The following ECE2 variants were observed in gnomAD, a reference collection of about 807,000 sequenced individuals.
ECE2 encodes endothelin-converting enzyme 2.
Under a neutral mutation model 100.6 loss-of-function variants are expected in ECE2, and 81 were observed. That is an observed-to-expected ratio of 0.81 (90% CI 0.67 to 0.97). The LOEUF is 0.97. Among genes scored for constraint, ECE2 ranks in the 50% least tolerant of loss-of-function variants. The probability of loss-of-function intolerance (pLI) is 0.00; values close to 1 mark genes in which losing one functional copy is unlikely to be tolerated. For synonymous variants in ECE2, 391 were observed against 391.5 expected, an observed-to-expected ratio of 1.00 and a Z score of 0.02; for missense variants, 911 against 988.1, an observed-to-expected ratio of 0.92 and a Z score of 1.05.
chr3:184,281,095 GGA>G (rs1353975915), intron 7 of ECE2, among the ~76,000 whole-genome samples: 1 of 152,186 alleles, frequency 6.6e-6, no homozygotes, highest in East Asian at 1.9e-4. Flanking sequence ...AAGGGCAGTG[GGA>G]GAGTCAGCAA....
rs372224412 is a variant in ECE2 at position 184,291,481 on chromosome 3, T to G, written c.2121+42T>G. On this transcript the variant is annotated intron_variant, in intron 18 of 18. Coordinates refer to ENST00000404464, the MANE Select transcript of ECE2 (RefSeq NM_001100121.2). The surrounding 1 kb of genome is among the most constrained non-coding windows in gnomAD (Gnocchi z 4.1). Reference sequence around the variant, plus strand: ...AGGCCTGGGGTCTGCCCCTTTGTCCTGCTCCCTCCTGAGTATGTCATTAGG... The same window carrying G: ...AGGCCTGGGGTCTGCCCCTTTGTCCGGCTCCCTCCTGAGTATGTCATTAGG... 6.6e-5 allele frequency: 99 copies of G among 1,504,556 alleles called. 1 individual carries two copies. In the South Asian group the frequency reaches 7.0e-4, roughly 11 times the overall value. The allele number at this position is 1,504,556 out of a possible 1,614,324, so 93.2% of individuals were successfully genotyped here. A position where few individuals can be genotyped will look rare whatever the true frequency, so the allele number is the denominator to read the frequency against.
In ECE2 at chr3:184,291,519, C is replaced by A; in HGVS notation, c.2121+80C>A. 2 of 1,325,288 alleles carry A rather than the reference C, an allele frequency of 1.5e-6. No homozygotes were observed. The highest frequency in any genetic ancestry group is 1.6e-5 in the South Asian group (1 of 62,392). The allele number at this position is 1,325,288 out of a possible 1,614,324, so 82.1% of individuals were successfully genotyped here. On this transcript the variant is annotated intron_variant, in intron 18 of 18. Coordinates refer to ENST00000404464, the MANE Select transcript of ECE2 (RefSeq NM_001100121.2). The surrounding 1 kb of genome is among the most constrained non-coding windows in gnomAD (Gnocchi z 4.1). The stretch of plus-strand genomic sequence containing the variant: ...GTATGTCATTAGGAGAACTCTGGGG[C>A]ACGTGTCAAACGGGCTGGTGAATGG...
At chr3:184,288,309 C>CAAAAAA (rs10608428) in intron 11 of ECE2, among the ~76,000 whole-genome samples, 37 of 91,454 alleles carry the variant, frequency 4.0e-4, no homozygotes, top group Non-Finnish European at 5.5e-4. Context: ...AACTCTGTCT[C>CAAAAAA]AAAAAAAAAA....
At position 184,289,627 on chromosome 3, in the gene ECE2, C is replaced by G. The variant is rs1365176668; in HGVS notation, c.1474-14C>G. On this transcript the variant is annotated splice_polypyrimidine_tract_variant and intron_variant, in intron 12 of 18. Coordinates refer to ENST00000404464, the MANE Select transcript of ECE2 (RefSeq NM_001100121.2). The surrounding 1 kb of genome is among the most constrained non-coding windows in gnomAD (Gnocchi z 4.1). ...CCTGGGGAAGGAAACAAACCCTTAA[C>G]CTGGTCTCTTCAGGCAGATGCCATC... 4 of 1,613,524 alleles carry G rather than the reference C, an allele frequency of 2.5e-6. No individual in the cohort carries two copies. The African/African-American group carries it at 4.0e-5, about 16-fold the overall frequency.
At chr3:184,277,655 T>A (rs1384315409) in intron 4 of ECE2, among the ~76,000 whole-genome samples, 189 bp downstream of exon 4, 1 of 152,172 alleles carries the variant, frequency 6.6e-6, no homozygotes, top group African/African-American at 2.4e-5. Flanking sequence ...GGGGCAGAAC[T>A]CTGGGTACAA....
At position 184,285,581 on chromosome 3, in the gene ECE2, G is replaced by A; in HGVS notation, c.1252G>A (p.Gly418Ser). ...AQEKLLETLYGTKKSCVPRWQ... is the reference protein window; with the variant it reads ...AQEKLLETLYSTKKSCVPRWQ... ...AGAGAAGCTGCTGGAGACCCTCTATGGCACTAAGAAGGTGGGCTTTCTGAT... is the reference window on the plus strand; with the variant it reads ...AGAGAAGCTGCTGGAGACCCTCTATAGCACTAAGAAGGTGGGCTTTCTGAT... The change falls in exon 10 of 19, where the codon GGC (glycine) becomes AGC (serine). Residue 418 changes from glycine (G) to serine (S), a missense_variant. Transcript: ENST00000404464. 6.2e-7 allele frequency: 1 copy of A among 1,613,606 alleles called. No homozygotes were observed. Among genetic ancestry groups the A allele is most frequent in the Non-Finnish European group, 8.5e-7 (1 of 1,179,548 alleles).
chr3:184,288,499 GTATTACCTGTAAGGATGTTTATGGTTTT>G (rs368744868), intron 11 of ECE2, among the ~76,000 whole-genome samples: 334 of 152,202 alleles, frequency 2.2e-3, no homozygotes, highest in Middle Eastern at 6.8e-3. Flanking sequence ...TGTGCTTAAA[GTATTACCTGTAAGGATGTTTATGGTTTT>G]TATGGCAATG....
Position 184,283,942 on chromosome 3 carries a change from T to C in ECE2, c.974T>C (p.Ile325Thr), listed in dbSNP as rs1195325114. ...PQDQRRDEEK[I>T]YHKMSISELQ... ...GACCAGCGGCGCGACGAGGAGAAGA[T>C]CTACCACAAGATGAGCATTTCGGAG... The change falls in exon 8 of 19, where the codon ATC becomes ACC. Residue 325 changes from isoleucine to threonine, a missense_variant. Transcript: ENST00000404464. The C allele has an allele frequency of 6.2e-7, 1 of 1,613,788 alleles. No individual in the cohort carries two copies.
At position 184,287,975 on chromosome 3, in the gene ECE2, A is replaced by G. The variant is rs567479752; in HGVS notation, c.1374+28A>G. The G allele has an allele frequency of 2.6e-5, 41 of 1,598,332 alleles. No individual in the cohort carries two copies. In the East Asian group the frequency reaches 4.5e-4, roughly 17 times the overall value. ...GAGTCTACAAGATTCTTTCAACACT[A>G]TGCCCTCAAAATTGACTGTTCATGT... On this transcript the variant is annotated intron_variant, in intron 11 of 18. Transcript: ENST00000404464.
chr3:184,282,291 G>T (rs1340614299), intron 7 of ECE2, among the ~76,000 whole-genome samples: 1 of 152,208 alleles, frequency 6.6e-6, no homozygotes, highest in South Asian at 2.1e-4. Flanking sequence ...CCAGCAGCAA[G>T]TAAGAGGAGA....
chr3:184,278,448 G>A, intron 6 of ECE2, 44 bp from the exon 7 acceptor site: 1 of 1,606,338 alleles, frequency 6.2e-7, no homozygotes, highest in Non-Finnish European at 8.5e-7. Flanking sequence ...AGGTTCCCAT[G>A]GTGGGGAAAG....
chr3:184,287,631 G>A (rs555575416), intron 10 of ECE2, among the ~76,000 whole-genome samples: 1 of 152,186 alleles, frequency 6.6e-6, no homozygotes, highest in East Asian at 1.9e-4. Flanking sequence ...GGGGACAGAG[G>A]TTGCAGTGAG....
At chr3:184,279,107 C>A (rs1294210629) in intron 7 of ECE2, among the ~76,000 whole-genome samples, 1 of 151,792 alleles carries the variant, frequency 6.6e-6, no homozygotes, top group Non-Finnish European at 1.5e-5. Flanking sequence ...GTCAGGAGTT[C>A]GAGACCAGGC....
At chr3:184,284,067 G>GTCCTT in intron 8 of ECE2, 94 bp downstream of exon 8, 1 of 1,448,242 alleles carries the variant, frequency 6.9e-7, no homozygotes, top group Non-Finnish European at 9.4e-7. Flanking sequence ...AAGGCAGCCA[G>GTCCTT]TCCTTTCCTC....
intron 9 of ECE2, 55 bp from the exon 10 acceptor site, chr3:184,285,422 AG>A: frequency 3.0e-6 from 4 of 1,320,196 alleles, no homozygotes; most frequent in Non-Finnish European, 4.4e-6. Flanking sequence ...GGCTGGTTTG[AG>A]GGGTGTGAAG....
At position 184,291,906 on chromosome 3, in the gene ECE2, T is replaced by G; in HGVS notation, c.2122-156T>G. On this transcript the variant is annotated intron_variant, in intron 18 of 18. Transcript: ENST00000404464. This position sits in a 1 kb window ranked among gnomAD's most constrained non-coding sequence, Gnocchi z 4.1. ...GGCTCCGCTTTTTCCCCTCGTCATG[T>G]CCATGCTGGGCAACCCGATGTCCAG... 1 of 792,720 alleles carries G rather than the reference T, an allele frequency of 1.3e-6. No homozygotes were observed. Among genetic ancestry groups the G allele is most frequent in the East Asian group, 2.7e-5 (1 of 37,150 alleles). 49.1% of individuals were successfully genotyped at this position (792,720 alleles called of 1,614,324 possible).
Position 184,276,074 on chromosome 3 carries a change from C to T in ECE2, c.-80C>T. The T allele has an allele frequency of 8.2e-7, 1 of 1,217,344 alleles. No individual in the cohort carries two copies. Among genetic ancestry groups the T allele is most frequent in the Non-Finnish European group, 1.0e-6 (1 of 978,666 alleles). 75.4% of individuals were successfully genotyped at this position (1,217,344 alleles called of 1,614,324 possible). On this transcript the variant is annotated 5_prime_UTR_variant, in exon 1 of 19. Coordinates refer to ENST00000404464, the MANE Select transcript of ECE2 (RefSeq NM_001100121.2). Reference sequence around the variant, plus strand: ...GCCGTGATGGCTGGTGACGGCGGGGCCGGGCAGGGGACCGGGGCCGCGGCC... The same window carrying T: ...GCCGTGATGGCTGGTGACGGCGGGGTCGGGCAGGGGACCGGGGCCGCGGCC...
chr3:184,290,195 C>G (rs932664765), intron 13 of ECE2, 60 bp from the exon 14 acceptor site: 1 of 1,376,080 alleles, frequency 7.3e-7, no homozygotes, highest in Non-Finnish European at 1.0e-6. Context: ...GCCAAACTGG[C>G]GCTATTATCT....
intron 7 of ECE2, among the ~76,000 whole-genome samples, chr3:184,281,565 C>T (rs1560183301): frequency 6.6e-6 from 1 of 152,154 alleles, no homozygotes; most frequent in Non-Finnish European, 1.5e-5. Context: ...GGATTCATCC[C>T]GAAAGAAATG....
Sources: gnomAD v4.1 joint callset for allele counts (sites outside exome capture counted in the v4.1 genomes callset) on GRCh38, gnomAD v4.1.1 for gene constraint, Gnocchi (gnomAD v3.1) non-coding constraint, MANE v1.5 for transcripts, NCBI Gene and HGNC (gene_info 2026-07-23, HGNC 2026-07-21) for gene names.